Variants in CSMD3 observed in about 807,000 individuals in gnomAD.
The protein encoded by CSMD3 is CUB and Sushi multiple domains 3, also known as CUB and sushi domain-containing protein 3.
A neutral mutation model predicts 435.2 loss-of-function variants in CSMD3; 177 were observed. The observed-to-expected ratio is 0.41, with a 90% CI of 0.36 to 0.46. The LOEUF is 0.46. Ranked by LOEUF, CSMD3 falls within the 20% of genes least tolerant of loss-of-function variation. CSMD3 has a pLI of 0.34. For missense variants in CSMD3, 4,265 were observed against 4,504.6 expected, an observed-to-expected ratio of 0.95 and a Z score of 1.52; for synonymous variants, 1,656 against 1,520.5, an observed-to-expected ratio of 1.09 and a Z score of -2.07.
At chr8:113,025,857 C>T (rs964076668) in intron 5 of CSMD3, among the ~76,000 whole-genome samples, 1 of 152,156 alleles carries the variant, frequency 6.6e-6, no homozygotes, top group Admixed American at 6.5e-5. Flanking sequence ...GGAGTCACAG[C>T]TGTTCTGCTG....
At chr8:112,470,328 AG>A (rs1160750372) in intron 32 of CSMD3, among the ~76,000 whole-genome samples, 1 of 152,134 alleles carries the variant, frequency 6.6e-6, no homozygotes, top group Admixed American at 6.6e-5. Context: ...GGATAGGGGA[AG>A]TTTTATATGA....
At chr8:113,408,768 G>A (rs535577812) in intron 1 of CSMD3, among the ~76,000 whole-genome samples, 4 of 151,564 alleles carry the variant, frequency 2.6e-5, no homozygotes, top group East Asian at 2.0e-4. Context: ...AGGTTCAAGC[G>A]ATTCTTCTGT....
At chr8:112,496,395 T>C (rs1339921272) in intron 30 of CSMD3, among the ~76,000 whole-genome samples, 2 of 152,186 alleles carry the variant, frequency 1.3e-5, no homozygotes, top group South Asian at 2.1e-4. Context: ...ATCAACAGTG[T>C]AGAGGTTCCT....
At chr8:112,906,089 G>A (rs2082253730) in intron 10 of CSMD3, among the ~76,000 whole-genome samples, 1 of 151,298 alleles carries the variant, frequency 6.6e-6, no homozygotes, top group African/African-American at 2.4e-5. Flanking sequence ...CAACCATGCT[G>A]GCATTCTGAT....
In CSMD3 at chr8:112,876,415, C is replaced by T. The variant is rs778698506; in HGVS notation, c.1634-17149G>A. ...TCAGGCCAATATCCCTGATGAAGAT[C>T]GATGTGAAAATTCTCAATAAAATAC... On this transcript the variant is annotated intron_variant, in intron 10 of 70. Transcript: ENST00000297405. Among the ~76,000 whole-genome samples the T allele has an allele frequency of 5.3e-5, 8 of 152,138 alleles. No individual in the cohort carries two copies. In the East Asian group the frequency reaches 9.7e-4, roughly 18 times the overall value.
chr8:112,231,007 A>C (rs1354224133), intron 69 of CSMD3, among the ~76,000 whole-genome samples: 1 of 152,180 alleles, frequency 6.6e-6, no homozygotes, highest in African/African-American at 2.4e-5. Context: ...ATACATATAG[A>C]AGAGTTGGAA....
chr8:113,363,645 C>T (rs1487051222), intron 1 of CSMD3, among the ~76,000 whole-genome samples: 1 of 152,148 alleles, frequency 6.6e-6, no homozygotes, highest in Non-Finnish European at 1.5e-5. Flanking sequence ...ACCTTCTCCT[C>T]TTGTGTGAGT....
intron 1 of CSMD3, among the ~76,000 whole-genome samples, chr8:113,333,905 G>T (rs2094047909): frequency 6.6e-6 from 1 of 151,912 alleles, no homozygotes; most frequent in East Asian, 1.9e-4. Context: ...CATGAGCTCA[G>T]CATGTCTCTC....
Position 112,689,989 on chromosome 8 carries a change from A to G in CSMD3, c.2034T>C (p.Asp678=). The change falls in exon 14 of 71, where the codon GAT becomes GAC. Residue 678 remains aspartate, a synonymous_variant. Coordinates refer to ENST00000297405, the MANE Select transcript of CSMD3 (RefSeq NM_198123.2). Reference sequence around the variant, plus strand: ...TTAAAACATCACGATTAGAAAATCCATCGCCTTCTCTAATTCCATATAAGG... The same window carrying G: ...TTAAAACATCACGATTAGAAAATCCGTCGCCTTCTCTAATTCCATATAAGG... ...GTPLYGIREG[D]GFSNRDVLRF... is the part of the protein sequence containing the mutation. 1 of 1,613,086 alleles carries G rather than the reference A, an allele frequency of 6.2e-7. No homozygotes were observed. The highest frequency in any genetic ancestry group is 8.5e-7 in the Non-Finnish European group (1 of 1,179,228).
At chr8:112,347,979 C>G (rs887055147) in intron 40 of CSMD3, among the ~76,000 whole-genome samples, 4 of 152,164 alleles carry the variant, frequency 2.6e-5, no homozygotes, top group African/African-American at 9.7e-5. Flanking sequence ...TAGATATGAA[C>G]TGGAATTCCT....
chr8:112,880,779 A>T (rs2081425235), intron 10 of CSMD3, among the ~76,000 whole-genome samples: 1 of 151,954 alleles, frequency 6.6e-6, no homozygotes, highest in South Asian at 2.1e-4. Flanking sequence ...AAGGCACTTG[A>T]CTTACCTATG....
chr8:113,313,465 G>C (rs1265097964), intron 2 of CSMD3: 7 of 152,042 alleles, frequency 4.6e-5, no homozygotes, highest in Admixed American at 4.6e-4. Context: ...GGGTCTACAG[G>C]CGCCCGCCCC....
In CSMD3 at chr8:112,550,860, C is replaced by A; in HGVS notation, c.4375G>T (p.Ala1459Ser). The change falls in exon 27 of 71, where the codon GCT becomes TCT. Residue 1459 changes from alanine to serine, a missense_variant. Ala to Ser is a moderately conservative substitution (Grantham distance 99). This residue lies in a region of CSMD3 where 3,255 missense variants were observed against 3,380.2 expected (regional missense o/e 0.96). Transcript: ENST00000297405. ...PGNIVSLQFL[A>S]FDTEASHDIL... ...TCATGTGATGCTTCCGTATCAAAAG[C>A]AAGAAACTGCAAGCTGTGGGAGAAC... 1 of 1,608,632 alleles carries A rather than the reference C, an allele frequency of 6.2e-7. No individual in the cohort carries two copies. Among genetic ancestry groups the A allele is most frequent in the Non-Finnish European group, 8.5e-7 (1 of 1,175,482 alleles).
At chr8:112,791,319 GAAAAAAAAA>G (rs3047119) in intron 13 of CSMD3, among the ~76,000 whole-genome samples, 2 of 103,194 alleles carry the variant, frequency 1.9e-5, no homozygotes, top group African/African-American at 7.8e-5. Context: ...CATATCCTGT[GAAAAAAAAA>G]AAAAAAAAAA....
rs1236309063 is a variant in CSMD3, at chr8:113,173,775, A to C, written c.656T>G (p.Ile219Arg). 1 of 1,613,866 alleles carries C rather than the reference A, an allele frequency of 6.2e-7. No individual in the cohort carries two copies. The highest frequency in any genetic ancestry group is 8.5e-7 in the Non-Finnish European group (1 of 1,179,790). Residue 219 changes from isoleucine to arginine, a missense_variant, in exon 4 of 71, where the codon ATA becomes AGA. Around this residue, in one of 3 missense-constraint regions of CSMD3, gnomAD observed 731 missense variants for 755.4 expected, o/e 0.97. Transcript: ENST00000297405. The part of the protein sequence containing the change: ...ILDGHPQLTC[I>R]ANSVNTASWD... ...CGAAGCTGTATTAACTGAATTGGCT[A>C]TGCAGGTGAGCTGAGGGTGGCCATC...
At chr8:113,349,585 T>C (rs2094175721) in intron 1 of CSMD3, among the ~76,000 whole-genome samples, 1 of 152,052 alleles carries the variant, frequency 6.6e-6, no homozygotes, top group Non-Finnish European at 1.5e-5. Flanking sequence ...AGTTTGACAC[T>C]AGCTTGGGCA....
intron 45 of CSMD3, among the ~76,000 whole-genome samples, chr8:112,331,614 AC>A (rs200384104): frequency 0.013 from 2,009 of 152,120 alleles, 42 homozygotes; most frequent in African/African-American, 0.046. Context: ...AACAAATAAA[AC>A]TTCAATGATC....
Position 112,223,627 on chromosome 8 carries a change from A to C in CSMD3, c.*1144T>G, listed in dbSNP as rs1812334059. The C allele has an allele frequency of 6.6e-6, 1 of 152,192 alleles. No individual in the cohort carries two copies. Among genetic ancestry groups the C allele is most frequent in the Non-Finnish European group, 1.5e-5 (1 of 68,010 alleles). The allele number at this position is 152,192 out of a possible 1,614,324, so 9.4% of individuals were successfully genotyped here. A position where few individuals can be genotyped will look rare whatever the true frequency, so the allele number is the denominator to read the frequency against. ...TACAGAAATTTAAAAATATATAAAA[A>C]TATGATAAGTCCACAATTGTAGGCA... is the stretch of plus-strand genomic sequence containing the variant. On this transcript the variant is annotated 3_prime_UTR_variant, in exon 71 of 71. Coordinates refer to ENST00000297405, the MANE Select transcript of CSMD3 (RefSeq NM_198123.2).
chr8:113,281,918 C>G (rs1378029151), intron 2 of CSMD3, among the ~76,000 whole-genome samples: 1 of 151,766 alleles, frequency 6.6e-6, no homozygotes, highest in Non-Finnish European at 1.5e-5. Context: ...AAGACTGTAT[C>G]TTTTCTTCAT....
Sources: allele counts gnomAD v4.1 joint callset (sites outside exome capture counted in the v4.1 genomes callset), GRCh38; gene constraint gnomAD v4.1.1; regional missense constraint gnomAD v4.1.1; transcripts MANE v1.5; gene names NCBI Gene and HGNC (gene_info 2026-07-23, HGNC 2026-07-21).